PDE1C: variants seen among roughly 807,000 people sequenced by gnomAD.
The protein encoded by PDE1C is dual specificity calcium/calmodulin-dependent 3',5'-cyclic nucleotide phosphodiesterase 1C.
Under a neutral mutation model 93.1 loss-of-function variants are expected in PDE1C, and 62 were observed. That is an observed-to-expected ratio of 0.67 (90% CI 0.54 to 0.82). The LOEUF (loss-of-function observed/expected upper bound fraction) is 0.82, where lower values mean the gene tolerates loss of function less well. PDE1C is among the 40% of genes least tolerant of loss of function. The pLI is 0.00. For synonymous variants in PDE1C, 325 were observed against 310.1 expected (o/e 1.05, Z -0.50); for missense variants, 742 against 884.6 (o/e 0.84, Z 2.04).
At chr7:32,090,183 T>TTG (rs3078638) in intron 3 of PDE1C, among the ~76,000 whole-genome samples, 1 of 151,634 alleles carries the variant, frequency 6.6e-6, no homozygotes, top group Non-Finnish European at 1.5e-5. Flanking sequence ...ATAACATAAA[T>TTG]AAAAAAATAG....
the PDE1C span, among the ~76,000 whole-genome samples, chr7:31,741,267 G>C: frequency 6.6e-6 from 1 of 152,188 alleles, no homozygotes; most frequent in South Asian, 2.1e-4. Context: ...TACATAAGGT[G>C]ATGGTAACTA....
chr7:32,383,793 A>G (rs1562700154), intron 1 of PDE1C, among the ~76,000 whole-genome samples: 1 of 152,194 alleles, frequency 6.6e-6, no homozygotes, highest in Non-Finnish European at 1.5e-5. Context: ...AAAGGGTCCA[A>G]GCTTTGGAGT....
chr7:31,736,594 T>C, the PDE1C span, among the ~76,000 whole-genome samples: 2 of 152,338 alleles, frequency 1.3e-5, no homozygotes, highest in African/African-American at 4.8e-5. Flanking sequence ...AATTGTCACA[T>C]TGCAGTTGCT....
the PDE1C span, among the ~76,000 whole-genome samples, chr7:31,743,826 A>T: frequency 3.3e-4 from 50 of 152,208 alleles, no homozygotes; most frequent in Non-Finnish European, 6.0e-4. Context: ...ATTGGAGCCC[A>T]GGCAAATTCA....
intron 1 of PDE1C, among the ~76,000 whole-genome samples, chr7:32,238,692 C>T (rs1471742280): frequency 6.6e-6 from 1 of 152,084 alleles, no homozygotes; most frequent in African/African-American, 2.4e-5. Flanking sequence ...TTTATTGGCC[C>T]AGGAGTAGAC....
At chr7:32,063,340 G>A (rs1248608054) in intron 1 of PDE1C, among the ~76,000 whole-genome samples, 1 of 152,148 alleles carries the variant, frequency 6.6e-6, no homozygotes, top group Admixed American at 6.5e-5. Flanking sequence ...CCAGGAGATA[G>A]GTCCTATAAA....
At chr7:32,182,578 G>C (rs1028544470) in intron 2 of PDE1C, among the ~76,000 whole-genome samples, 4 of 152,118 alleles carry the variant, frequency 2.6e-5, no homozygotes, top group Non-Finnish European at 4.4e-5. Context: ...ATGCAGAAAA[G>C]ACCTTTGACG....
intron 9 of PDE1C, among the ~76,000 whole-genome samples, chr7:31,838,709 C>A (rs1203468063): frequency 6.6e-6 from 1 of 152,222 alleles, no homozygotes; most frequent in East Asian, 1.9e-4. Context: ...CAACCCCTGC[C>A]AATCACTGAT....
chr7:31,837,438 C>T, intron 10 of PDE1C, 138 bp from the exon 11 acceptor site: 1 of 732,080 alleles, frequency 1.4e-6, no homozygotes, highest in Non-Finnish European at 2.0e-6. Context: ...GAGGAAAAGA[C>T]ATCATTTCAT....
intron 2 of PDE1C, among the ~76,000 whole-genome samples, chr7:31,930,747 G>A (rs1288462282): frequency 2.0e-5 from 3 of 150,236 alleles, no homozygotes; most frequent in Admixed American, 6.7e-5. Context: ...TACTTGGGAG[G>A]CTGAGGCAGG....
chr7:32,141,562 A>T (rs921409350), intron 3 of PDE1C, among the ~76,000 whole-genome samples: 2 of 152,206 alleles, frequency 1.3e-5, no homozygotes, highest in African/African-American at 4.8e-5. Flanking sequence ...AAAAATATCA[A>T]CAAACCCAAA....
At chr7:31,935,516 T>A (rs1016185088) in intron 2 of PDE1C, among the ~76,000 whole-genome samples, 1 of 152,088 alleles carries the variant, frequency 6.6e-6, no homozygotes, top group African/African-American at 2.4e-5. Context: ...AATCCATCAA[T>A]GCGAAGGTCA....
intron 15 of PDE1C, among the ~76,000 whole-genome samples, chr7:31,810,326 G>A (rs1271362905): frequency 6.6e-6 from 1 of 152,092 alleles, no homozygotes; most frequent in Non-Finnish European, 1.5e-5. Context: ...GAAGCCAAAA[G>A]ATCCCAATAA....
intron 1 of PDE1C, among the ~76,000 whole-genome samples, chr7:32,065,563 TTAAG>T (rs1795306122): frequency 6.6e-6 from 1 of 151,840 alleles, no homozygotes; most frequent in Non-Finnish European, 1.5e-5. Flanking sequence ...TTGCTGAAAG[TTAAG>T]TAAGTATCTT....
chr7:31,824,252 A>G (rs943618155), intron 13 of PDE1C, among the ~76,000 whole-genome samples: 7 of 152,132 alleles, frequency 4.6e-5, no homozygotes, highest in Non-Finnish European at 7.4e-5. Context: ...CCTCTGTTCT[A>G]GATCCTGTTG....
At chr7:32,086,294 C>T (rs1797068143) in intron 3 of PDE1C, among the ~76,000 whole-genome samples, 3 of 151,882 alleles carry the variant, frequency 2.0e-5, no homozygotes, top group Admixed American at 6.6e-5. Context: ...ATCCAACTTA[C>T]CAGGGACATG....
chr7:32,411,644 C>G (rs1401328638), intron 1 of PDE1C, among the ~76,000 whole-genome samples: 1 of 152,126 alleles, frequency 6.6e-6, no homozygotes, highest in Non-Finnish European at 1.5e-5. Flanking sequence ...CTACTGTAGA[C>G]TTCATAAACA....
chr7:32,100,114 G>A (rs531061585), intron 3 of PDE1C, among the ~76,000 whole-genome samples: 1 of 152,196 alleles, frequency 6.6e-6, no homozygotes, highest in African/African-American at 2.4e-5. Context: ...CCCATGCCCA[G>A]TGTCTAGCAT....
At chr7:31,867,497 A>T (rs1256014924) in intron 6 of PDE1C, among the ~76,000 whole-genome samples, 1 of 151,976 alleles carries the variant, frequency 6.6e-6, no homozygotes, top group Non-Finnish European at 1.5e-5. Context: ...ACTCAAACTG[A>T]TGCTGCCATC....
Sources: allele counts gnomAD v4.1 joint callset (sites outside exome capture counted in the v4.1 genomes callset), GRCh38; gene constraint gnomAD v4.1.1; transcripts MANE v1.5; gene names NCBI Gene and HGNC (gene_info 2026-07-23, HGNC 2026-07-21).